SNTG1: variants seen among roughly 807,000 people sequenced by gnomAD.
SNTG1 encodes the protein syntrophin gamma 1.
A neutral mutation model predicts 74.7 loss-of-function variants in SNTG1; 39 were observed. The ratio of observed to expected loss-of-function variants is 0.52; its 90% CI spans 0.40 to 0.68. SNTG1 has a LOEUF of 0.68. SNTG1 is among the 30% of genes least tolerant of loss of function. SNTG1 has a pLI of 0.00. For missense variants in SNTG1, 685 were observed against 609.5 expected (o/e 1.12, Z -1.30); for synonymous variants, 254 against 217.1 (o/e 1.17, Z -1.49).
intron 18 of SNTG1, among the ~76,000 whole-genome samples, chr8:50,757,447 C>G (rs2095583357): frequency 6.6e-6 from 1 of 151,738 alleles, no homozygotes; most frequent in Non-Finnish European, 1.5e-5. Context: ...TTTCCCTAAA[C>G]CTTTCCTTGT....
At chr8:50,011,650 C>A (rs563349098) in intron 1 of SNTG1, 119 of 152,048 alleles carry the variant, frequency 7.8e-4, no homozygotes, top group African/African-American at 2.6e-3. Flanking sequence ...ATCTTTTGAG[C>A]CTTCCTGGTT....
At chr8:50,357,714 A>G (rs1406485458) in intron 2 of SNTG1, among the ~76,000 whole-genome samples, 1 of 152,190 alleles carries the variant, frequency 6.6e-6, no homozygotes, top group Non-Finnish European at 1.5e-5. Flanking sequence ...TGTCACCTAG[A>G]ATATTTCTCA....
At chr8:50,089,221 G>A (rs1186942104) in intron 1 of SNTG1, among the ~76,000 whole-genome samples, 1 of 152,060 alleles carries the variant, frequency 6.6e-6, no homozygotes, top group African/African-American at 2.4e-5. Flanking sequence ...AGCTGAAACT[G>A]GATCCCTTCC....
At chr8:50,455,923 A>C (rs7009024) in intron 8 of SNTG1, among the ~76,000 whole-genome samples, 104,243 of 152,066 alleles carry the variant, frequency 0.69, 37,905 homozygotes, top group East Asian at 0.81. Context: ...AATTCTAACC[A>C]TACTGGATAG....
At chr8:50,261,258 A>C (rs139865663) in intron 2 of SNTG1, among the ~76,000 whole-genome samples, 1 of 152,194 alleles carries the variant, frequency 6.6e-6, no homozygotes, top group Admixed American at 6.5e-5. Context: ...TAAAATATTT[A>C]AAGTTTTGAA....
At chr8:50,191,172 T>C (rs540158071) in intron 2 of SNTG1, among the ~76,000 whole-genome samples, 1 of 152,262 alleles carries the variant, frequency 6.6e-6, no homozygotes, top group Admixed American at 6.5e-5. Context: ...TTTTGTTTAT[T>C]TGTTATTTAT....
chr8:50,654,564 A>G (rs2095168920), intron 13 of SNTG1, among the ~76,000 whole-genome samples: 1 of 152,104 alleles, frequency 6.6e-6, no homozygotes, highest in Admixed American at 6.6e-5. Flanking sequence ...TCTGCTGTCT[A>G]TTGTTTTTAT....
In SNTG1 at chr8:50,210,935, T is replaced by C. The variant is rs1013654226; in HGVS notation, c.-28+38300T>C. ...ATTAGCTTTTCTCTTAGCTAAGTCATGTATCTTTCTAGATATTATTTGTAG... is the reference window on the plus strand; with the variant it reads ...ATTAGCTTTTCTCTTAGCTAAGTCACGTATCTTTCTAGATATTATTTGTAG... On this transcript the variant is annotated intron_variant, in intron 2 of 18. Coordinates refer to ENST00000642720, the MANE Select transcript of SNTG1 (RefSeq NM_018967.5). Among the ~76,000 whole-genome samples, 6 of 152,320 alleles carry C rather than the reference T, an allele frequency of 3.9e-5. No homozygotes were observed. The East Asian group carries it at 1.2e-3, about 29-fold the overall frequency.
At chr8:50,374,757 T>A (rs1033042404) in intron 2 of SNTG1, among the ~76,000 whole-genome samples, 1 of 152,232 alleles carries the variant, frequency 6.6e-6, no homozygotes, top group African/African-American at 2.4e-5. Flanking sequence ...ATTTGGCTTC[T>A]ACACAGCATT....
chr8:50,414,261 C>G (rs1480009768), intron 4 of SNTG1, among the ~76,000 whole-genome samples: 1 of 152,164 alleles, frequency 6.6e-6, no homozygotes, highest in East Asian at 1.9e-4. Context: ...AAACTAAATT[C>G]TCAGTTGGGG....
intron 2 of SNTG1, among the ~76,000 whole-genome samples, chr8:50,232,561 T>G (rs2085684008): frequency 6.6e-6 from 1 of 151,506 alleles, no homozygotes; most frequent in African/African-American, 2.4e-5. Flanking sequence ...TCAATTTTTG[T>G]GAACATAGTC....
At position 50,598,032 on chromosome 8, in the gene SNTG1, T is replaced by C. The variant is rs75832498; in HGVS notation, c.849+7115T>C. Reference sequence around the variant, plus strand: ...TTGATGAGCAGAAGTTTTTTGTTTGTTCGTTTGTTTGTTTTTGTTTTTTGT... The same window carrying C: ...TTGATGAGCAGAAGTTTTTTGTTTGCTCGTTTGTTTGTTTTTGTTTTTTGT... On this transcript the variant is annotated intron_variant, in intron 13 of 18. Transcript: ENST00000642720. 2.8e-4 allele frequency among the ~76,000 whole-genome samples: 42 copies of C among 151,904 alleles called. No homozygotes were observed. The East Asian group carries it at 7.5e-3, about 27-fold the overall frequency.
chr8:50,017,366 T>A (rs1816421741), intron 1 of SNTG1, among the ~76,000 whole-genome samples: 1 of 152,048 alleles, frequency 6.6e-6, no homozygotes, highest in Non-Finnish European at 1.5e-5. Context: ...AAGAAATTTT[T>A]AAAAATAAGG....
At chr8:50,301,060 T>G (rs2089623770) in intron 2 of SNTG1, among the ~76,000 whole-genome samples, 1 of 152,138 alleles carries the variant, frequency 6.6e-6, no homozygotes, top group African/African-American at 2.4e-5. Context: ...TGTTTTTGTA[T>G]GTGCTTATCC....
intron 8 of SNTG1, among the ~76,000 whole-genome samples, chr8:50,466,251 T>C (rs996545098): frequency 2.6e-5 from 4 of 152,128 alleles, no homozygotes; most frequent in Non-Finnish European, 5.9e-5. Flanking sequence ...TTAATTTAAT[T>C]TTTATTTTTT....
intron 2 of SNTG1, among the ~76,000 whole-genome samples, chr8:50,353,422 T>C (rs1285401575): frequency 6.6e-6 from 1 of 152,112 alleles, no homozygotes; most frequent in Non-Finnish European, 1.5e-5. Context: ...AAAAGAACAC[T>C]TTTAGCATTA....
chr8:50,041,582 C>T (rs890202552), intron 1 of SNTG1, among the ~76,000 whole-genome samples: 1 of 152,162 alleles, frequency 6.6e-6, no homozygotes, highest in East Asian at 1.9e-4. Context: ...CTAAATCATC[C>T]TCTTTTATCC....
At chr8:50,541,257 G>GTGTGTT (rs1353547455) in intron 11 of SNTG1, among the ~76,000 whole-genome samples, 6 of 151,726 alleles carry the variant, frequency 4.0e-5, no homozygotes, top group African/African-American at 1.5e-4. Flanking sequence ...GTGTGTGTGT[G>GTGTGTT]TGTGTGTGTG....
Position 50,745,582 on chromosome 8 carries a change from G to T in SNTG1, c.1285-6419G>T, listed in dbSNP as rs540222863. Among the ~76,000 whole-genome samples the T allele has an allele frequency of 1.1e-4, 16 of 152,038 alleles. No homozygotes were observed. In the South Asian group the frequency reaches 3.1e-3, roughly 30 times the overall value. ...ATATACACCAAAGAATTGAAAGCAG[G>T]GACTTAAACAGATACTTGTACACCA... On this transcript the variant is annotated intron_variant, in intron 17 of 18. Coordinates refer to ENST00000642720, the MANE Select transcript of SNTG1 (RefSeq NM_018967.5).
Sources: gnomAD v4.1 joint callset for allele counts (sites outside exome capture counted in the v4.1 genomes callset) on GRCh38, gnomAD v4.1.1 for gene constraint, MANE v1.5 for transcripts, NCBI Gene and HGNC (gene_info 2026-07-23, HGNC 2026-07-21) for gene names.